The following MSN variants were observed in gnomAD, a reference collection of about 807,000 sequenced individuals.
MSN encodes the protein moesin, also known as epididymis luminal protein 70.
Under a neutral mutation model 48.0 loss-of-function variants are expected in MSN, and 2 were observed. The ratio of observed to expected loss-of-function variants is 0.04; its 90% CI spans 0.02 to 0.13. The LOEUF is 0.13. Among genes scored for constraint, MSN ranks in the 10% least tolerant of loss-of-function variants. The pLI is 1.00. For missense variants in MSN, 267 were observed against 470.1 expected, an observed-to-expected ratio of 0.57 and a Z score of 3.99; for synonymous variants, 146 against 166.9, an observed-to-expected ratio of 0.87 and a Z score of 0.97.
chrX:65,634,333 C>G (rs1199442921), intron 1 of MSN, among the ~76,000 whole-genome samples: 1 of 112,678 alleles, frequency 8.9e-6, no homozygotes, highest in Non-Finnish European at 1.9e-5. Flanking sequence ...CCATTGAAGG[C>G]CAGGTGCGGT....
chrX:65,647,163 A>G (rs1193727680), intron 1 of MSN, among the ~76,000 whole-genome samples: 1 of 110,204 alleles, frequency 9.1e-6, no homozygotes, highest in Non-Finnish European at 1.9e-5. Flanking sequence ...TGCAAACTGT[A>G]GTAAGTTAGT....
chrX:65,737,845 C>T (rs2071693738), intron 10 of MSN, among the ~76,000 whole-genome samples: 1 of 112,048 alleles, frequency 8.9e-6, no homozygotes, highest in Non-Finnish European at 1.9e-5. Context: ...AGCTTTGCTC[C>T]CTGAAATCAC....
Position 65,740,143 on chromosome X carries a change from G to T in MSN, c.*250G>T. 1 of 309,619 alleles carries T rather than the reference G, an allele frequency of 3.2e-6. No individual in the cohort carries two copies. 25.5% of individuals were successfully genotyped at this position (309,619 alleles called of 1,213,427 possible). A position where few individuals can be genotyped will look rare whatever the true frequency, so the allele number is the denominator to read the frequency against. ...TTCTCTGTTCCATTGAATCTGTATG[G>T]CTAGAATATCCTACTTCTCCAGCCT... On this transcript the variant is annotated 3_prime_UTR_variant, in exon 13 of 13. Coordinates refer to ENST00000360270, the MANE Select transcript of MSN (RefSeq NM_002444.3).
chrX:65,618,688 G>C (rs1316873179), intron 1 of MSN, among the ~76,000 whole-genome samples: 1 of 110,295 alleles, frequency 9.1e-6, no homozygotes, highest in Non-Finnish European at 1.9e-5. Context: ...CTTTTAATTG[G>C]AGCATTTAGT....
chrX:65,630,639 C>A (rs750715434), intron 1 of MSN, among the ~76,000 whole-genome samples: 35 of 110,899 alleles, frequency 3.2e-4, no homozygotes, highest in Non-Finnish European at 5.5e-4. Flanking sequence ...AAACCCTGCA[C>A]CTTTTACCAG....
At chrX:65,633,613 T>C (rs757901713) in intron 1 of MSN, among the ~76,000 whole-genome samples, 1 of 111,938 alleles carries the variant, frequency 8.9e-6, no homozygotes, top group Non-Finnish European at 1.9e-5. Context: ...AACTTTGGCC[T>C]GATAAGGAAA....
intron 5 of MSN, 21 bp downstream of exon 5, chrX:65,731,211 G>C: frequency 8.6e-7 from 1 of 1,162,325 alleles, no homozygotes. Flanking sequence ...CCAAGCAGTG[G>C]TGGGCCCCAC....
intron 3 of MSN, 111 bp from the exon 4 acceptor site, chrX:65,729,327 G>A (rs1247153853): frequency 1.1e-6 from 1 of 910,269 alleles, no homozygotes; most frequent in South Asian, 2.4e-5. Flanking sequence ...CCACCCAGCT[G>A]TCTAAGATTA....
At chrX:65,657,095 A>C in intron 1 of MSN, among the ~76,000 whole-genome samples, 1 of 111,788 alleles carries the variant, frequency 8.9e-6, no homozygotes, top group Non-Finnish European at 1.9e-5. Flanking sequence ...GACCTGGGGC[A>C]CTGGCAGTGG....
At chrX:65,639,411 C>T (rs1370574226) in intron 1 of MSN, among the ~76,000 whole-genome samples, 1 of 112,368 alleles carries the variant, frequency 8.9e-6, no homozygotes, top group Non-Finnish European at 1.9e-5. Context: ...TCCCAAAGTG[C>T]TGGGATTACA....
intron 7 of MSN, among the ~76,000 whole-genome samples, chrX:65,733,772 G>T (rs1394757444): frequency 9.0e-6 from 1 of 111,376 alleles, no homozygotes; most frequent in African/African-American, 3.3e-5. Context: ...TACAACCTCA[G>T]CCTCCCGAGT....
chrX:65,699,072 C>T (rs2071274853), intron 1 of MSN, among the ~76,000 whole-genome samples: 3 of 112,014 alleles, frequency 2.7e-5, no homozygotes, highest in Non-Finnish European at 1.9e-5. Context: ...CTACAGCCTC[C>T]CTTCAACCAG....
upstream of MSN, among the ~76,000 whole-genome samples, chrX:65,667,152 C>T (rs750418394): frequency 1.3e-4 from 15 of 111,860 alleles, 1 homozygote; most frequent in Non-Finnish European, 2.6e-4. Flanking sequence ...GATCTTCAGG[C>T]CTTTGAGGAG....
At chrX:65,641,359 G>A (rs1439493910) in intron 1 of MSN, among the ~76,000 whole-genome samples, 1 of 101,933 alleles carries the variant, frequency 9.8e-6, no homozygotes. Context: ...GCAAAACCCC[G>A]TCTCTACTAA....
At chrX:65,660,504 C>T (rs1161048939) in intron 1 of MSN, among the ~76,000 whole-genome samples, 1 of 110,364 alleles carries the variant, frequency 9.1e-6, no homozygotes, top group Non-Finnish European at 1.9e-5. Flanking sequence ...TTGCTCTGGC[C>T]AGGACTTCCA....
intron 1 of MSN, among the ~76,000 whole-genome samples, chrX:65,673,081 C>A (rs1437425241): frequency 9.0e-6 from 1 of 111,351 alleles, no homozygotes; most frequent in East Asian, 2.8e-4. Context: ...GTACTCTTGG[C>A]CATTTCTTCC....
chrX:65,735,137 C>A, intron 7 of MSN, 130 bp from the exon 8 acceptor site: 1 of 741,283 alleles, frequency 1.3e-6, no homozygotes, highest in Non-Finnish European at 2.0e-6. Flanking sequence ...GATAATTAGT[C>A]TTCCCATCTG....
rs760948126 is a variant in MSN at position 65,731,002 on chromosome X, C to G, written c.468-105C>G. ...CCAGTGTGACCTCAATTGGCTGACT[C>G]TACATCCTCTTTGCATCAGCCCCTT... is the stretch of plus-strand genomic sequence containing the variant. On this transcript the variant is annotated intron_variant, in intron 4 of 12. Transcript: ENST00000360270. 59 of 626,417 alleles carry G rather than the reference C, an allele frequency of 9.4e-5. No individual in the cohort carries two copies. The South Asian group carries it at 1.8e-3, about 19-fold the overall frequency. 51.6% of individuals were successfully genotyped at this position (626,417 alleles called of 1,213,427 possible).
chrX:65,600,442 C>T lies in MSN; in HGVS notation c.-22+11830C>T, dbSNP rs183644526. 3.1e-4 allele frequency among the ~76,000 whole-genome samples: 35 copies of T among 111,963 alleles called. 1 individual carries two copies. Among genetic ancestry groups the T allele is most frequent in the Admixed American group, 3.0e-3 (32 of 10,510 alleles). Reference sequence around the variant, plus strand: ...ACATTGCTTCATGCATCTTAAAGTGCAGGAATAAGCATCTTTGCTCCCAAA... The same window carrying T: ...ACATTGCTTCATGCATCTTAAAGTGTAGGAATAAGCATCTTTGCTCCCAAA... On this transcript the variant is annotated intron_variant, in intron 1 of 3. Coordinates refer to the MSN transcript ENST00000609672.
Sources: gnomAD v4.1 joint callset for allele counts (sites outside exome capture counted in the v4.1 genomes callset) on GRCh38, gnomAD v4.1.1 for gene constraint, MANE v1.5 for transcripts, NCBI Gene and HGNC (gene_info 2026-07-23, HGNC 2026-07-21) for gene names.